PDE4D: variants seen among roughly 807,000 people sequenced by gnomAD.
PDE4D encodes the protein 3',5'-cyclic-AMP phosphodiesterase 4D.
A neutral mutation model predicts 87.4 loss-of-function variants in PDE4D; 24 were observed. The observed-to-expected ratio is 0.27, with a 90% confidence interval of 0.20 to 0.39. The LOEUF (loss-of-function observed/expected upper bound fraction) is 0.39, where lower values mean the gene tolerates loss of function less well. Ranked by LOEUF, PDE4D falls within the 10% of genes least tolerant of loss-of-function variation. PDE4D has a pLI of 1.00. For synonymous variants in PDE4D, 384 were observed against 383.2 expected (o/e 1.00, Z -0.02); for missense variants, 714 against 1,041.0 (o/e 0.69, Z 4.32).
intron 1 of PDE4D, among the ~76,000 whole-genome samples, chr5:59,400,595 AG>A (rs1238515423): frequency 1.4e-4 from 12 of 85,680 alleles, no homozygotes; most frequent in African/African-American, 5.4e-4. Context: ...GGGTGGGGGG[AG>A]GGGGGAGGGA....
At chr5:60,116,158 G>A (rs2149367800) in intron 2 of PDE4D, among the ~76,000 whole-genome samples, 1 of 152,098 alleles carries the variant, frequency 6.6e-6, no homozygotes, top group Non-Finnish European at 1.5e-5. Context: ...TCAAGTCTAT[G>A]GGAGGGCAAA....
intron 1 of PDE4D, among the ~76,000 whole-genome samples, chr5:59,421,519 GAC>G (rs1318956484): frequency 6.6e-6 from 1 of 152,092 alleles, no homozygotes; most frequent in Non-Finnish European, 1.5e-5. Flanking sequence ...GATGATGAGA[GAC>G]AGTGTTAAGA....
At chr5:60,318,277 G>C (rs1401535091) in intron 1 of PDE4D, among the ~76,000 whole-genome samples, 2 of 152,132 alleles carry the variant, frequency 1.3e-5, no homozygotes, top group Non-Finnish European at 2.9e-5. Flanking sequence ...TTGGTTTAAA[G>C]TCTGTTTTAT....
At chr5:60,382,741 G>A (rs1358423688) in intron 1 of PDE4D, among the ~76,000 whole-genome samples, 2 of 152,048 alleles carry the variant, frequency 1.3e-5, no homozygotes. Flanking sequence ...CATTTTCTTA[G>A]CCCTACTCTT....
In PDE4D at chr5:59,629,494, C is replaced by T. The variant is rs150245614; in HGVS notation, c.455+263674G>A. 2.4e-3 allele frequency among the ~76,000 whole-genome samples: 370 copies of T among 151,734 alleles called. 9 individuals are homozygous for T. The highest frequency in any genetic ancestry group is 1.1e-3 in the Non-Finnish European group (77 of 67,890). On this transcript the variant is annotated intron_variant, in intron 1 of 14. Coordinates refer to ENST00000340635, the MANE Select transcript of PDE4D (RefSeq NM_001104631.2). ...CACAGAGACATGTACAGAGAGAAGA[C>T]GAAGAGAAAATACAGAGAGAAGGCC...
chr5:60,365,649 C>T (rs916571391), intron 1 of PDE4D, among the ~76,000 whole-genome samples: 3 of 151,950 alleles, frequency 2.0e-5, no homozygotes, highest in African/African-American at 7.3e-5. Flanking sequence ...AGCAGGCACT[C>T]TTGTACCAAG....
At chr5:59,202,613 G>A (rs1358520011) in intron 2 of PDE4D, among the ~76,000 whole-genome samples, 1 of 152,088 alleles carries the variant, frequency 6.6e-6, no homozygotes, top group Non-Finnish European at 1.5e-5. Flanking sequence ...GTCCTGAGAG[G>A]AGCCTGGTGG....
intron 2 of PDE4D, among the ~76,000 whole-genome samples, chr5:60,177,510 T>A (rs1054825141): frequency 6.6e-6 from 1 of 152,176 alleles, no homozygotes; most frequent in Non-Finnish European, 1.5e-5. Flanking sequence ...AGGCAATGAA[T>A]GTCCGACAAA....
At chr5:59,620,622 C>T (rs1420831383) in intron 1 of PDE4D, among the ~76,000 whole-genome samples, 6 of 152,184 alleles carry the variant, frequency 3.9e-5, no homozygotes, top group Admixed American at 3.3e-4. Context: ...CCCTTGATTG[C>T]ACATTAGGGT....
intron 1 of PDE4D, among the ~76,000 whole-genome samples, chr5:59,880,028 T>G (rs898886586): frequency 1.3e-5 from 2 of 152,210 alleles, no homozygotes; most frequent in East Asian, 3.9e-4. Context: ...CGTGAGCCAC[T>G]GCTCCTGGCC....
chr5:59,349,882 C>T (rs999258665), intron 1 of PDE4D, among the ~76,000 whole-genome samples: 2 of 151,972 alleles, frequency 1.3e-5, no homozygotes, highest in Admixed American at 1.3e-4. Context: ...ATCTTTCTGC[C>T]TGTGGTTGTT....
chr5:59,486,360 G>T (rs186874530), intron 1 of PDE4D, among the ~76,000 whole-genome samples: 16 of 152,244 alleles, frequency 1.1e-4, no homozygotes, highest in Non-Finnish European at 1.9e-4. Flanking sequence ...TCCAGAAATA[G>T]AAGAAGCTTT....
At chr5:59,509,602 T>G (rs1203319873) in intron 1 of PDE4D, among the ~76,000 whole-genome samples, 1 of 151,432 alleles carries the variant, frequency 6.6e-6, no homozygotes, top group African/African-American at 2.4e-5. Context: ...GTAAAGATAT[T>G]ATTTAACTTC....
At chr5:59,025,587 G>A (rs1756067574) in intron 6 of PDE4D, among the ~76,000 whole-genome samples, 1 of 152,142 alleles carries the variant, frequency 6.6e-6, no homozygotes. Flanking sequence ...AGAATTAAAT[G>A]TAAAATAACA....
intron 2 of PDE4D, chr5:60,147,824 A>C (rs1048848272): frequency 6.6e-6 from 3 of 454,970 alleles, no homozygotes; most frequent in South Asian, 4.7e-5. Flanking sequence ...GCCTTCTTCC[A>C]TAGGCTGCTT....
chr5:59,827,457 G>A, intron 1 of PDE4D, among the ~76,000 whole-genome samples: 1 of 152,010 alleles, frequency 6.6e-6, no homozygotes, highest in East Asian at 1.9e-4. Context: ...TCATCTTCAG[G>A]ATTATTATGC....
chr5:59,885,520 C>T (rs936998511), intron 1 of PDE4D, among the ~76,000 whole-genome samples: 3 of 152,108 alleles, frequency 2.0e-5, no homozygotes. Flanking sequence ...AATAACTTAG[C>T]TTTAGAACAC....
chr5:59,084,006 C>A (rs16889181), intron 5 of PDE4D, among the ~76,000 whole-genome samples: 1 of 151,768 alleles, frequency 6.6e-6, no homozygotes, highest in Non-Finnish European at 1.5e-5. Context: ...GGGGACTTGA[C>A]AAGTAGATTG....
chr5:60,076,541 T>C (rs1226621781), intron 2 of PDE4D, among the ~76,000 whole-genome samples: 1 of 152,196 alleles, frequency 6.6e-6, no homozygotes, highest in East Asian at 1.9e-4. Context: ...CATGGTGGTA[T>C]AAGGTGGGTT....
Sources: allele counts gnomAD v4.1 joint callset (sites outside exome capture counted in the v4.1 genomes callset), GRCh38; gene constraint gnomAD v4.1.1; transcripts MANE v1.5; gene names NCBI Gene and HGNC (gene_info 2026-07-23, HGNC 2026-07-21).